The following MRC1 variants were observed in gnomAD, a reference collection of about 807,000 sequenced individuals.
MRC1 encodes the protein mannose receptor C-type 1.
Under a neutral mutation model 102.9 loss-of-function variants are expected in MRC1, and 62 were observed. The ratio of observed to expected loss-of-function variants is 0.60; its 90% confidence interval spans 0.49 to 0.74. The LOEUF (loss-of-function observed/expected upper bound fraction) is 0.74, where lower values mean the gene tolerates loss of function less well. Among genes scored for constraint, MRC1 ranks in the 30% least tolerant of loss-of-function variants. The pLI is 0.00. For synonymous variants in MRC1, 457 were observed against 298.4 expected, an observed-to-expected ratio of 1.53 and a Z score of -5.48; for missense variants, 1,237 against 862.8, an observed-to-expected ratio of 1.43 and a Z score of -5.43.
chr10:17,854,055 C>A (rs974976872), intron 8 of MRC1, among the ~76,000 whole-genome samples: 5 of 152,088 alleles, frequency 3.3e-5, no homozygotes, highest in Admixed American at 6.6e-5. Flanking sequence ...GCAGTCTTGA[C>A]CTCCTGGGTT....
chr10:17,880,441 T>G, intron 19 of MRC1, 84 bp from the exon 20 acceptor site: 1 of 753,676 alleles, frequency 1.3e-6, no homozygotes, highest in South Asian at 1.4e-5. Flanking sequence ...TTGAGAATTC[T>G]TGTAAAATAG....
rs1554838377 is a variant in MRC1 at position 17,823,111 on chromosome 10, G to C, written c.99G>C (p.Lys33Asn). ...TTTTAATCTATAATGAAGATCACAA[G>C]CGCTGCGTGGATGCAGTGAGTCCCA... ...RQFLIYNEDH[K>N]RCVDAVSPSA... Residue 33 changes from lysine to asparagine, a missense_variant, in exon 2 of 30, where the codon AAG (lysine) becomes AAC (asparagine). By Grantham distance (94) the Lys-to-Asn change is moderately conservative (BLOSUM62 0). Coordinates refer to ENST00000569591, the MANE Select transcript of MRC1 (RefSeq NM_002438.4). The C allele has an allele frequency of 5.1e-6, 4 of 780,746 alleles. No individual in the cohort carries two copies. Among genetic ancestry groups the C allele is most frequent in the South Asian group, 4.0e-5 (3 of 74,624 alleles). 48.4% of individuals were successfully genotyped at this position (780,746 alleles called of 1,614,324 possible).
chr10:17,858,662 A>T (rs1159071606), intron 9 of MRC1, among the ~76,000 whole-genome samples: 1 of 152,076 alleles, frequency 6.6e-6, no homozygotes, highest in East Asian at 1.9e-4. Flanking sequence ...TAATTTTTGT[A>T]TTTTTGGTAG....
At chr10:17,865,181 A>G (rs900609331) in intron 11 of MRC1, among the ~76,000 whole-genome samples, 152 of 152,352 alleles carry the variant, frequency 1.0e-3, no homozygotes, top group Non-Finnish European at 1.8e-3. Context: ...GAGTCTATCA[A>G]TTTACTACCT....
At chr10:17,826,133 G>A (rs1429205653) in intron 2 of MRC1, among the ~76,000 whole-genome samples, 2 of 152,174 alleles carry the variant, frequency 1.3e-5, no homozygotes, top group East Asian at 1.9e-4. Context: ...CTTACTATGC[G>A]CTACATGTTT....
At chr10:17,887,871 C>T (rs913656668) in intron 22 of MRC1, among the ~76,000 whole-genome samples, 1 of 152,142 alleles carries the variant, frequency 6.6e-6, no homozygotes, top group African/African-American at 2.4e-5. Context: ...GGTGCAATCT[C>T]GGCTCACTGC....
At chr10:17,864,413 G>A (rs978822363) in intron 11 of MRC1, among the ~76,000 whole-genome samples, 2 of 152,190 alleles carry the variant, frequency 1.3e-5, no homozygotes, top group Non-Finnish European at 2.9e-5. Context: ...AAAGGACATT[G>A]CTCATGCGGA....
intron 9 of MRC1, among the ~76,000 whole-genome samples, chr10:17,858,079 ATG>A (rs1163117717): frequency 6.6e-6 from 1 of 152,198 alleles, no homozygotes; most frequent in African/African-American, 2.4e-5. Flanking sequence ...TTAAAATAAA[ATG>A]TGTTTTAAAA....
At chr10:17,853,540 A>T (rs1430931295) in intron 8 of MRC1, among the ~76,000 whole-genome samples, 2 of 151,294 alleles carry the variant, frequency 1.3e-5, no homozygotes, top group Admixed American at 1.3e-4. Flanking sequence ...CATATATATG[A>T]TTACAAGAGA....
At chr10:17,896,076 A>C (rs1339939241) in intron 23 of MRC1, among the ~76,000 whole-genome samples, 2 of 152,182 alleles carry the variant, frequency 1.3e-5, no homozygotes, top group African/African-American at 2.4e-5. Flanking sequence ...CCTACCTCAT[A>C]GCTACACAAA....
chr10:17,867,769 T>G (rs1325051758), intron 12 of MRC1, among the ~76,000 whole-genome samples: 2 of 152,172 alleles, frequency 1.3e-5, no homozygotes, highest in African/African-American at 4.8e-5. Flanking sequence ...GCTGTTGTAT[T>G]CCAATTCATT....
chr10:17,899,539 T>A (rs1833800785), intron 24 of MRC1, among the ~76,000 whole-genome samples: 1 of 152,160 alleles, frequency 6.6e-6, no homozygotes, highest in African/African-American at 2.4e-5. Flanking sequence ...AAAATTCTAA[T>A]TTGAGATAAC....
At chr10:17,868,744 G>A (rs1833314257) in intron 12 of MRC1, among the ~76,000 whole-genome samples, 1 of 152,160 alleles carries the variant, frequency 6.6e-6, no homozygotes, top group African/African-American at 2.4e-5. Flanking sequence ...AACTCAAGAG[G>A]AGTATGGATA....
chr10:17,818,875 A>T (rs1368960537), intron 1 of MRC1, among the ~76,000 whole-genome samples: 3 of 152,202 alleles, frequency 2.0e-5, no homozygotes, highest in African/African-American at 7.2e-5. Context: ...AACTCAAAAC[A>T]TGAAGTCACT....
At chr10:17,843,671 A>G (rs939056195) in intron 5 of MRC1, among the ~76,000 whole-genome samples, 3 of 151,590 alleles carry the variant, frequency 2.0e-5, no homozygotes, top group Admixed American at 6.6e-5. Flanking sequence ...CTCAAAAAGA[A>G]AAAAAAAAGA....
chr10:17,843,153 G>A (rs978078589), intron 5 of MRC1, among the ~76,000 whole-genome samples: 3 of 152,238 alleles, frequency 2.0e-5, no homozygotes, highest in Admixed American at 6.5e-5. Context: ...GTTGAGAGAG[G>A]TATTGTATTG....
At chr10:17,820,374 T>C (rs1311354890) in intron 1 of MRC1, among the ~76,000 whole-genome samples, 1 of 152,056 alleles carries the variant, frequency 6.6e-6, no homozygotes, top group Non-Finnish European at 1.5e-5. Flanking sequence ...AAGAGAAGTT[T>C]GGATGTTACT....
chr10:17,849,909 A>G, intron 7 of MRC1, 145 bp downstream of exon 7: 2 of 589,568 alleles, frequency 3.4e-6, no homozygotes, highest in South Asian at 2.7e-5. Context: ...TTTAATCACA[A>G]ATGCTGAAAA....
At chr10:17,874,554 A>T (rs979171000) in intron 16 of MRC1, among the ~76,000 whole-genome samples, 6 of 152,184 alleles carry the variant, frequency 3.9e-5, no homozygotes, top group African/African-American at 1.4e-4. Context: ...GGAACTAGAT[A>T]CCTTTGGGAG....
Sources: gnomAD v4.1 joint callset for allele counts (sites outside exome capture counted in the v4.1 genomes callset) on GRCh38, gnomAD v4.1.1 for gene constraint, MANE v1.5 for transcripts, NCBI Gene and HGNC (gene_info 2026-07-23, HGNC 2026-07-21) for gene names.